Variants in RPS6KA2 observed in about 807,000 individuals in gnomAD.
The protein encoded by RPS6KA2 is ribosomal protein S6 kinase alpha-2.
RPS6KA2 carries 42 observed loss-of-function variants against 91.8 expected under a neutral mutation model. That is an observed-to-expected ratio of 0.46 (90% CI 0.36 to 0.59). The LOEUF is 0.59. RPS6KA2 is among the 20% of genes least tolerant of loss of function. The probability of loss-of-function intolerance (pLI) is 0.00; values close to 1 mark genes in which losing one functional copy is unlikely to be tolerated. For synonymous variants in RPS6KA2, 414 were observed against 393.6 expected (o/e 1.05, Z -0.61); for missense variants, 798 against 978.5 (o/e 0.82, Z 2.46).
intron 1 of RPS6KA2, among the ~76,000 whole-genome samples, chr6:166,605,822 A>T (rs1241317826): frequency 6.6e-6 from 1 of 152,240 alleles, no homozygotes; most frequent in African/African-American, 2.4e-5. Context: ...TTCTGTAGTG[A>T]TAAGACCTGA....
At chr6:166,550,796 A>G (rs1460240627) in intron 1 of RPS6KA2, among the ~76,000 whole-genome samples, 3 of 152,050 alleles carry the variant, frequency 2.0e-5, no homozygotes, top group African/African-American at 4.8e-5. Flanking sequence ...AGGTCAGGAG[A>G]TCGACACCAT....
chr6:166,793,807 A>G lies in RPS6KA2; in HGVS notation c.123+64393T>C, dbSNP rs919657583. ...GGGAAAACTGGCTAGCCATATGTAG[A>G]AAGCTGAAACTGGATCCCTTCCTTA... On this transcript the variant is annotated intron_variant, in intron 2 of 21. Coordinates refer to the RPS6KA2 transcript ENST00000503859. Among the ~76,000 whole-genome samples, 11 of 152,216 alleles carry G rather than the reference A, an allele frequency of 7.2e-5. 1 individual carries two copies. Among genetic ancestry groups the G allele is most frequent in the Admixed American group, 2.0e-4 (3 of 15,288 alleles).
At chr6:166,736,048 C>T (rs563476391) in intron 2 of RPS6KA2, among the ~76,000 whole-genome samples, 26 of 152,290 alleles carry the variant, frequency 1.7e-4, no homozygotes, top group African/African-American at 6.3e-4. Context: ...GACCCCTCGA[C>T]CAATGCAGAA....
intron 2 of RPS6KA2, among the ~76,000 whole-genome samples, chr6:166,815,430 C>A (rs780080155): frequency 6.6e-6 from 1 of 152,156 alleles, no homozygotes. Flanking sequence ...CTTTTTAGCC[C>A]ACTGTGATTT....
chr6:166,858,363 A>C, intron 1 of RPS6KA2: 1 of 680,318 alleles, frequency 1.5e-6, no homozygotes, highest in South Asian at 1.8e-5. Context: ...AATATCCCGC[A>C]TGATTTCTGT....
At chr6:166,800,052 A>T (rs1001149956) in intron 2 of RPS6KA2, among the ~76,000 whole-genome samples, 3 of 151,906 alleles carry the variant, frequency 2.0e-5, no homozygotes, top group Non-Finnish European at 2.9e-5. Flanking sequence ...AACACCAGGT[A>T]TTTTTTTTGT....
rs1780767487 is a variant in RPS6KA2, at chr6:166,852,389, CT to C, written c.123+5810del. 6.6e-6 allele frequency among the ~76,000 whole-genome samples: 1 copy of C among 152,192 alleles called. No individual in the cohort carries two copies. The highest frequency in any genetic ancestry group is 6.5e-5 in the Admixed American group (1 of 15,272). On this transcript the variant is annotated intron_variant, in intron 2 of 21. Transcript: ENST00000503859. The surrounding 1 kb of genome is among the most constrained non-coding windows in gnomAD (Gnocchi z 4.1). The stretch of plus-strand genomic sequence containing the variant: ...TTAGTGCCTGGGCTTCATTATTCAC[CT>C]TGTCTCACTTCTATTCAGACCAGTT...
At chr6:166,633,942 G>C (rs1045270850) in intron 2 of RPS6KA2, among the ~76,000 whole-genome samples, 1 of 152,128 alleles carries the variant, frequency 6.6e-6, no homozygotes, top group African/African-American at 2.4e-5. Context: ...AGAGGGACAC[G>C]GGGACGGTTT....
At chr6:166,513,515 A>G (rs922293763) in intron 3 of RPS6KA2, among the ~76,000 whole-genome samples, 2 of 152,210 alleles carry the variant, frequency 1.3e-5, no homozygotes, top group African/African-American at 2.4e-5. Flanking sequence ...ACTGCAGTAA[A>G]AAGTATTGCT....
intron 1 of RPS6KA2, among the ~76,000 whole-genome samples, chr6:166,604,512 G>C (rs1026968103): frequency 6.6e-6 from 1 of 152,210 alleles, no homozygotes; most frequent in Non-Finnish European, 1.5e-5. Context: ...ACTGGGGATC[G>C]TAAGGGAGCT....
intron 2 of RPS6KA2, among the ~76,000 whole-genome samples, chr6:166,713,931 G>A (rs889032901): frequency 2.0e-5 from 3 of 152,130 alleles, no homozygotes; most frequent in Non-Finnish European, 4.4e-5. Context: ...TTAACCTATC[G>A]CTGCTGCCAT....
Position 166,412,338 on chromosome 6 carries a change from T to G in RPS6KA2, c.*424A>C, listed in dbSNP as rs1778333977. ...CTGGGGCCCTGCAACCACCAATGGC[T>G]GCGCCCTCGCACTGCCACTTTCCCA... On this transcript the variant is annotated 3_prime_UTR_variant, in exon 21 of 21. Coordinates refer to ENST00000265678, the MANE Select transcript of RPS6KA2 (RefSeq NM_021135.6). The surrounding 1 kb of genome is among the most constrained non-coding windows in gnomAD (Gnocchi z 4.3). 6.4e-6 allele frequency: 1 copy of G among 155,048 alleles called. No homozygotes were observed. Among genetic ancestry groups the G allele is most frequent in the African/African-American group, 2.4e-5 (1 of 41,502 alleles). The allele number at this position is 155,048 out of a possible 1,614,324, so 9.6% of individuals were successfully genotyped here. A position where few individuals can be genotyped will look rare whatever the true frequency, so the allele number is the denominator to read the frequency against.
At chr6:166,700,289 G>A (rs1206513592) in intron 2 of RPS6KA2, among the ~76,000 whole-genome samples, 1 of 152,168 alleles carries the variant, frequency 6.6e-6, no homozygotes, top group East Asian at 1.9e-4. Flanking sequence ...ATAAGGCACT[G>A]CTCTGTATCT....
chr6:166,620,711 C>T (rs1227917395), intron 1 of RPS6KA2, among the ~76,000 whole-genome samples: 1 of 152,218 alleles, frequency 6.6e-6, no homozygotes, highest in Non-Finnish European at 1.5e-5. Flanking sequence ...TGTGCAACAC[C>T]ACGGATGCCA....
chr6:166,673,468 G>A (rs1165765443), intron 2 of RPS6KA2, among the ~76,000 whole-genome samples: 1 of 152,180 alleles, frequency 6.6e-6, no homozygotes, highest in Admixed American at 6.5e-5. Context: ...GTCCCTGGGG[G>A]GCTCCTGGTG....
chr6:166,563,221 G>T lies in RPS6KA2; in HGVS notation c.100-24437C>A, dbSNP rs1010419255. Among the ~76,000 whole-genome samples the T allele has an allele frequency of 6.6e-6, 1 of 152,326 alleles. No individual in the cohort carries two copies. The highest frequency in any genetic ancestry group is 2.1e-4 in the South Asian group (1 of 4,832). On this transcript the variant is annotated intron_variant, in intron 1 of 20. Coordinates refer to ENST00000265678, the MANE Select transcript of RPS6KA2 (RefSeq NM_021135.6). This position sits in a 1 kb window ranked among gnomAD's most constrained non-coding sequence, Gnocchi z 4.1. ...GTAGTGGAGACACCGCCACGTCTGTGTCTCTGGAGAAGGAAGATGGAGAAG... is the reference window on the plus strand; with the variant it reads ...GTAGTGGAGACACCGCCACGTCTGTTTCTCTGGAGAAGGAAGATGGAGAAG...
At chr6:166,630,041 T>C (rs77945805), upstream of RPS6KA2, among the ~76,000 whole-genome samples, 43 of 152,322 alleles carry the variant, frequency 2.8e-4, no homozygotes, top group East Asian at 4.8e-3. Flanking sequence ...CAATTCTAAT[T>C]GGCGAAGTCA....
chr6:166,665,981 A>G lies in RPS6KA2; in HGVS notation c.124-127197T>C, dbSNP rs1305832390. Among the ~76,000 whole-genome samples, 1 of 152,194 alleles carries G rather than the reference A, an allele frequency of 6.6e-6. No homozygotes were observed. Among genetic ancestry groups the G allele is most frequent in the Non-Finnish European group, 1.5e-5 (1 of 68,044 alleles). ...TGATGATGAACCCAATCATGTATAT[A>G]TAGCTTAAATCAAGTGGAAAAGCCC... On this transcript the variant is annotated intron_variant, in intron 2 of 21. Coordinates refer to the RPS6KA2 transcript ENST00000503859. This position sits in a 1 kb window ranked among gnomAD's most constrained non-coding sequence, Gnocchi z 4.5.
At chr6:166,523,552 A>G (rs1435734741) in intron 3 of RPS6KA2, among the ~76,000 whole-genome samples, 2 of 152,146 alleles carry the variant, frequency 1.3e-5, no homozygotes, top group African/African-American at 4.8e-5. Flanking sequence ...TCATTCGTAA[A>G]TAAAGATGAT....
Sources: gnomAD v4.1 joint callset for allele counts (sites outside exome capture counted in the v4.1 genomes callset) on GRCh38, gnomAD v4.1.1 for gene constraint, Gnocchi (gnomAD v3.1) non-coding constraint, MANE v1.5 for transcripts, NCBI Gene and HGNC (gene_info 2026-07-23, HGNC 2026-07-21) for gene names.